Variants in YAE1 observed in about 807,000 individuals in gnomAD.
YAE1 encodes protein YAE1 homolog.
In YAE1, 22 loss-of-function variants were observed where a neutral mutation model predicts 23.0. The ratio of observed to expected loss-of-function variants is 0.96; its 90% CI spans 0.68 to 1.37. The LOEUF is 1.37. Among genes scored for constraint, YAE1 ranks in the 40% most tolerant of loss-of-function variants. YAE1 has a pLI of 0.00. For synonymous variants in YAE1, 101 were observed against 97.0 expected (o/e 1.04, Z -0.24); for missense variants, 260 against 262.1 (o/e 0.99, Z 0.06).
At chr7:39,583,467 A>G (rs984743616) in intron 2 of YAE1, among the ~76,000 whole-genome samples, 1 of 152,256 alleles carries the variant, frequency 6.6e-6, no homozygotes, top group African/African-American at 2.4e-5. Flanking sequence ...ACAATATCCA[A>G]TAAGATACTC....
chr7:39,605,788 C>T (rs977030247), intron 2 of YAE1, among the ~76,000 whole-genome samples: 1 of 152,168 alleles, frequency 6.6e-6, no homozygotes, highest in Non-Finnish European at 1.5e-5. Flanking sequence ...CTGAGAACTT[C>T]TCCCAAAGCA....
In YAE1 at chr7:39,572,509, G is replaced by GA; in HGVS notation, c.488dup (p.Asn163LysfsTer2). On this transcript the variant is annotated frameshift_variant, in exon 3 of 3. Transcript: ENST00000223273. LOFTEE classifies it high-confidence loss of function. ...TGAAGCTAAAGATGAAAGACTCTGT[G>GA]AAAATAATGCTGAGTTTAACAAAAA... 1 of 1,614,122 alleles carries GA rather than the reference G, an allele frequency of 6.2e-7. No homozygotes were observed. Among genetic ancestry groups the GA allele is most frequent in the Non-Finnish European group, 8.5e-7 (1 of 1,179,984 alleles).
intron 2 of YAE1, among the ~76,000 whole-genome samples, chr7:39,579,590 A>T (rs1026483962): frequency 2.0e-5 from 3 of 149,828 alleles, no homozygotes; most frequent in African/African-American, 7.4e-5. Context: ...AATCGCTTGA[A>T]CCCAGGAGGT....
intron 2 of YAE1, among the ~76,000 whole-genome samples, chr7:39,581,281 TATTTATAAAAGA>T (rs1790738358): frequency 6.6e-6 from 1 of 152,246 alleles, no homozygotes; most frequent in African/African-American, 2.4e-5. Flanking sequence ...ATGGCTTTGT[TATTTATAAAAGA>T]AATATATGGT....
downstream of YAE1, among the ~76,000 whole-genome samples, chr7:39,575,414 T>A (rs1790637541): frequency 6.6e-6 from 1 of 152,264 alleles, no homozygotes; most frequent in South Asian, 2.1e-4. Flanking sequence ...TTTACACTAC[T>A]TATTAACTGC....
At chr7:39,592,923 A>T (rs561025024) in intron 2 of YAE1, among the ~76,000 whole-genome samples, 1 of 152,260 alleles carries the variant, frequency 6.6e-6, no homozygotes, top group Admixed American at 6.5e-5. Context: ...ATTTTTGGTC[A>T]TTCTCTCTCT....
At chr7:39,607,700 G>A (rs962349046) in intron 2 of YAE1, among the ~76,000 whole-genome samples, 7 of 152,210 alleles carry the variant, frequency 4.6e-5, no homozygotes, top group South Asian at 2.1e-4. Flanking sequence ...ATGTAGTCTC[G>A]CCCTGTTTCC....
At chr7:39,609,643 G>A (rs1345323876) in exon 3 of YAE1, 1 of 1,535,430 alleles carries the variant, frequency 6.5e-7, no homozygotes, top group Non-Finnish European at 8.7e-7. Context: ...AGCCTACTGG[G>A]CTTGAGAGCC....
At chr7:39,571,244 T>C (rs116022873) in intron 2 of YAE1, among the ~76,000 whole-genome samples, 3,719 of 151,758 alleles carry the variant, frequency 0.025, 143 homozygotes, top group African/African-American at 0.084. Flanking sequence ...ATGAGCATTA[T>C]GAAATTTTTT....
At chr7:39,591,487 C>G (rs56844739) in intron 2 of YAE1, among the ~76,000 whole-genome samples, 17,279 of 151,316 alleles carry the variant, frequency 0.11, 2,441 homozygotes, top group African/African-American at 0.33. Context: ...TTTTTTATTC[C>G]CTTTTGTTCT....
intron 2 of YAE1, among the ~76,000 whole-genome samples, chr7:39,594,208 A>G (rs184723014): frequency 1.3e-4 from 20 of 152,310 alleles, no homozygotes; most frequent in Non-Finnish European, 2.2e-4. Context: ...ATAGTGCAGG[A>G]ATCAGCCAGA....
At chr7:39,588,513 A>AAT (rs943893261) in intron 2 of YAE1, among the ~76,000 whole-genome samples, 3 of 151,930 alleles carry the variant, frequency 2.0e-5, no homozygotes, top group Non-Finnish European at 4.4e-5. Context: ...AAAAAAAAAA[A>AAT]AAAAAGAATA....
downstream of YAE1, among the ~76,000 whole-genome samples, chr7:39,573,084 A>G (rs1790599037): frequency 6.6e-6 from 1 of 151,856 alleles, no homozygotes; most frequent in African/African-American, 2.4e-5. Context: ...TCACCAAACC[A>G]AAGTTATAAA....
intron 2 of YAE1, among the ~76,000 whole-genome samples, chr7:39,599,939 CA>C (rs1199665945): frequency 1.3e-5 from 2 of 152,056 alleles, no homozygotes; most frequent in African/African-American, 4.8e-5. Flanking sequence ...ATGATATTTG[CA>C]TAGTATTCAA....
At chr7:39,578,647 A>G (rs1790694639) in intron 2 of YAE1, among the ~76,000 whole-genome samples, 2 of 152,296 alleles carry the variant, frequency 1.3e-5, no homozygotes, top group Middle Eastern at 3.4e-3. Flanking sequence ...TCCTGAAGCC[A>G]GTGAGACCAT....
At position 39,593,177 on chromosome 7, in the gene YAE1, C is replaced by CTTTTTTTTTTTT. The variant is rs56303591; in HGVS notation, c.252-16426_252-16415dup. ...CTCTATAATTTCCATTTGGTTATTT[C>CTTTTTTTTTTTT]TTTTTTTTTTTTTTTTTTTTTTTTT... On this transcript the variant is annotated intron_variant, in intron 2 of 2. Transcript: ENST00000432096. Among the ~76,000 whole-genome samples, 64 of 72,122 alleles carry CTTTTTTTTTTTT rather than the reference C, an allele frequency of 8.9e-4. 5 individuals are homozygous for CTTTTTTTTTTTT. Among genetic ancestry groups the CTTTTTTTTTTTT allele is most frequent in the East Asian group, 1.1e-3 (2 of 1,848 alleles). The allele number at this position is 72,122 out of a possible 152,430, so 47.3% of individuals were successfully genotyped here.
chr7:39,573,640 T>G (rs1271425956), downstream of YAE1, among the ~76,000 whole-genome samples: 1 of 152,178 alleles, frequency 6.6e-6, no homozygotes, highest in African/African-American at 2.4e-5. Flanking sequence ...TAGCCTTAAT[T>G]GCTCTTTCAC....
chr7:39,609,408 T>C, intron 2 of YAE1: 2 of 638,440 alleles, frequency 3.1e-6, no homozygotes, highest in Non-Finnish European at 5.3e-6. Context: ...ATCACCATCA[T>C]GTGGGAACAC....
At chr7:39,568,430 A>C (rs1012696545) in intron 1 of YAE1, among the ~76,000 whole-genome samples, 1 of 152,122 alleles carries the variant, frequency 6.6e-6, no homozygotes, top group African/African-American at 2.4e-5. Context: ...GTGAATTTTC[A>C]AAATGTAAAA....
Sources: allele counts gnomAD v4.1 joint callset (sites outside exome capture counted in the v4.1 genomes callset), GRCh38; gene constraint gnomAD v4.1.1; transcripts MANE v1.5; gene names NCBI Gene and HGNC (gene_info 2026-07-23, HGNC 2026-07-21).